SCAMP5: variants seen among roughly 807,000 people sequenced by gnomAD.
SCAMP5 encodes the protein secretory carrier membrane protein 5.
Under a neutral mutation model 28.3 loss-of-function variants are expected in SCAMP5, and 7 were observed. That is an observed-to-expected ratio of 0.25 (90% CI 0.14 to 0.46). The LOEUF is 0.46. SCAMP5 is among the 20% of genes least tolerant of loss of function. SCAMP5 has a pLI of 0.99. For synonymous variants in SCAMP5, 117 were observed against 116.4 expected, an observed-to-expected ratio of 1.00 and a Z score of -0.03; for missense variants, 192 against 312.5, an observed-to-expected ratio of 0.61 and a Z score of 2.91.
chr15:75,013,954 G>A (rs940450435), intron 3 of SCAMP5, among the ~76,000 whole-genome samples: 4 of 152,000 alleles, frequency 2.6e-5, no homozygotes, highest in African/African-American at 9.7e-5. Context: ...TGGGAAAGGT[G>A]TCTTCTTGGG....
In SCAMP5 at chr15:75,018,144, G is replaced by C. The variant is rs1160752236; in HGVS notation, c.395+173G>C. Among the ~76,000 whole-genome samples, 4 of 152,144 alleles carry C rather than the reference G, an allele frequency of 2.6e-5. No homozygotes were observed. The highest frequency in any genetic ancestry group is 4.8e-5 in the African/African-American group (2 of 41,422). On this transcript the variant is annotated intron_variant, in intron 5 of 6. Transcript: ENST00000425597. The surrounding 1 kb of genome is among the most constrained non-coding windows in gnomAD (Gnocchi z 5.6). Reference sequence around the variant, plus strand: ...ACAACCATAGCATCAGAGGGAAGGAGAACCTGGCAGTGGTTTCTTGGGGGC... The same window carrying C: ...ACAACCATAGCATCAGAGGGAAGGACAACCTGGCAGTGGTTTCTTGGGGGC...
chr15:75,014,792 A>G (rs532701954), intron 3 of SCAMP5, among the ~76,000 whole-genome samples: 9 of 152,306 alleles, frequency 5.9e-5, no homozygotes, highest in Non-Finnish European at 1.2e-4. Context: ...ATTGCAGCAG[A>G]GGTGTTTGAG....
chr15:75,017,815 G>T, intron 4 of SCAMP5, 55 bp from the exon 5 acceptor site: 1 of 1,146,192 alleles, frequency 8.7e-7, no homozygotes, highest in South Asian at 1.2e-5. Context: ...GGCCTTGAAG[G>T]CAGGGAAGCC....
intron 1 of SCAMP5, among the ~76,000 whole-genome samples, chr15:75,009,709 C>T (rs1011325697): frequency 6.6e-6 from 1 of 152,108 alleles, no homozygotes; most frequent in Non-Finnish European, 1.5e-5. Flanking sequence ...CTACTGGGCT[C>T]AAGTGATCCT....
chr15:75,015,458 G>C (rs894269294), intron 3 of SCAMP5, among the ~76,000 whole-genome samples: 4 of 152,012 alleles, frequency 2.6e-5, no homozygotes, highest in African/African-American at 7.3e-5. Context: ...ACAGAGGGGG[G>C]GGGGCCTGGG....
chr15:75,010,830 G>A lies in SCAMP5; in HGVS notation c.-48-962G>A, dbSNP rs78503801. Among the ~76,000 whole-genome samples the A allele has an allele frequency of 5.9e-3, 891 of 151,780 alleles. 5 individuals are homozygous for A. Among genetic ancestry groups the A allele is most frequent in the Non-Finnish European group, 9.5e-3 (646 of 67,942 alleles). The stretch of plus-strand genomic sequence containing the variant: ...TCCTAGTAAGGAACTGTCCCTGTAC[G>A]ATGCTTTCCCATCTGCCTAGAAGGC... On this transcript the variant is annotated intron_variant, in intron 1 of 6. Coordinates refer to ENST00000425597, the MANE Select transcript of SCAMP5 (RefSeq NM_138967.4).
At chr15:75,015,865 G>C (rs1376926082) in intron 3 of SCAMP5, among the ~76,000 whole-genome samples, 3 of 147,232 alleles carry the variant, frequency 2.0e-5, no homozygotes, top group Non-Finnish European at 4.4e-5. Context: ...AGTGGAGGTT[G>C]CAGTGAGCTG....
Position 75,018,245 on chromosome 15 carries a change from G to A in SCAMP5, c.396-173G>A, listed in dbSNP as rs1003802706. On this transcript the variant is annotated intron_variant, in intron 5 of 6. Coordinates refer to ENST00000425597, the MANE Select transcript of SCAMP5 (RefSeq NM_138967.4). This position sits in a 1 kb window ranked among gnomAD's most constrained non-coding sequence, Gnocchi z 5.6. The stretch of plus-strand genomic sequence containing the variant: ...CTGAAGAGCACCTCTGAGCCACAGG[G>A]ATGGGGTCTTCTTGAGCCACTGGCA... The A allele has an allele frequency of 4.7e-6, 3 of 637,462 alleles. No individual in the cohort carries two copies. Among genetic ancestry groups the A allele is most frequent in the African/African-American group, 1.8e-5 (1 of 55,064 alleles). 39.5% of individuals were successfully genotyped at this position (637,462 alleles called of 1,614,324 possible).
chr15:75,002,774 AT>A (rs1244124052), intron 1 of SCAMP5, among the ~76,000 whole-genome samples: 13 of 146,762 alleles, frequency 8.9e-5, no homozygotes, highest in Non-Finnish European at 3.0e-5. Context: ...TTGACTTTTT[AT>A]TTTTTTGAAT....
At chr15:74,997,560 G>C (rs986090523) in intron 1 of SCAMP5, among the ~76,000 whole-genome samples, 1 of 152,180 alleles carries the variant, frequency 6.6e-6, no homozygotes, top group African/African-American at 2.4e-5. Flanking sequence ...TTTTTGGAAA[G>C]GCTTCCCAGA....
At chr15:75,011,737 A>G in intron 1 of SCAMP5, 55 bp from the exon 2 acceptor site, 1 of 923,952 alleles carries the variant, frequency 1.1e-6, no homozygotes, top group Non-Finnish European at 1.7e-6. Flanking sequence ...GTAGAGAGGG[A>G]CTGGGTTGGG....
chr15:75,018,546 C>A lies in SCAMP5; in HGVS notation c.513+11C>A. On this transcript the variant is annotated intron_variant, in intron 6 of 6. Coordinates refer to ENST00000425597, the MANE Select transcript of SCAMP5 (RefSeq NM_138967.4). This position sits in a 1 kb window ranked among gnomAD's most constrained non-coding sequence, Gnocchi z 5.6. ...ATCGCCCTCAGCATGGTACGTGGTC[C>A]CCTCAAGGGTGAGAAGGTGGCTTTG... 4 of 1,560,050 alleles carry A rather than the reference C, an allele frequency of 2.6e-6. No homozygotes were observed. The highest frequency in any genetic ancestry group is 2.7e-6 in the Non-Finnish European group (3 of 1,130,732).
At chr15:75,008,462 G>C (rs2065781416) in intron 1 of SCAMP5, among the ~76,000 whole-genome samples, 1 of 149,606 alleles carries the variant, frequency 6.7e-6, no homozygotes, top group Non-Finnish European at 1.5e-5. Flanking sequence ...ATATATCCTG[G>C]AAAGCATTCC....
chr15:75,012,568 C>T, intron 2 of SCAMP5, 109 bp from the exon 3 acceptor site: 1 of 1,331,318 alleles, frequency 7.5e-7, no homozygotes. Flanking sequence ...AGCAGAGTGG[C>T]CGGTGGCCAC....
rs777497325 is a variant in SCAMP5, at chr15:75,018,812, T to C, written c.537T>C (p.Ser179=). ...LSMVHKFYRG[S]GGSFSKAQEE... ...AGGTTCATAAATTTTACCGGGGAAG[T>C]GGGGGGAGTTTCAGCAAAGCTCAGG... Residue 179 remains serine, a synonymous_variant, in exon 7 of 7, where the codon AGT becomes AGC. Coordinates refer to ENST00000425597, the MANE Select transcript of SCAMP5 (RefSeq NM_138967.4). This position sits in a 1 kb window ranked among gnomAD's most constrained non-coding sequence, Gnocchi z 5.6. 6.2e-7 allele frequency: 1 copy of C among 1,604,292 alleles called. No homozygotes were observed. The highest frequency in any genetic ancestry group is 1.8e-5 in the Admixed American group (1 of 56,874).
At position 75,019,015 on chromosome 15, in the gene SCAMP5, G is replaced by A. The variant is rs781177003; in HGVS notation, c.*32G>A. 2 of 1,443,380 alleles carry A rather than the reference G, an allele frequency of 1.4e-6. No individual in the cohort carries two copies. Among genetic ancestry groups the A allele is most frequent in the Admixed American group, 2.6e-5 (1 of 37,946 alleles). 89.4% of individuals were successfully genotyped at this position (1,443,380 alleles called of 1,614,324 possible). A position where few individuals can be genotyped will look rare whatever the true frequency, so the allele number is the denominator to read the frequency against. On this transcript the variant is annotated 3_prime_UTR_variant, in exon 7 of 7. Coordinates refer to ENST00000425597, the MANE Select transcript of SCAMP5 (RefSeq NM_138967.4). ...CACGCCTACCAGGTGGCAGAGCTGG[G>A]GCCATTGGGACAGGGGGCTCAAGCC...
In SCAMP5 at chr15:75,020,629, T is replaced by C; in HGVS notation, c.*1646T>C. 6.6e-6 allele frequency: 1 copy of C among 152,352 alleles called. No individual in the cohort carries two copies. Among genetic ancestry groups the C allele is most frequent in the Non-Finnish European group, 1.5e-5 (1 of 68,074 alleles). The allele number at this position is 152,352 out of a possible 1,614,324, so 9.4% of individuals were successfully genotyped here. A position where few individuals can be genotyped will look rare whatever the true frequency, so the allele number is the denominator to read the frequency against. On this transcript the variant is annotated 3_prime_UTR_variant, in exon 7 of 7. Coordinates refer to ENST00000425597, the MANE Select transcript of SCAMP5 (RefSeq NM_138967.4). ...CCAAGCAGTGTGAGAACATGGCTGG[T>C]AGAGGCTCTAGCTGTGTGCGGGGCC...
Position 75,018,446 on chromosome 15 carries a change from G to A in SCAMP5, c.424G>A (p.Gly142Arg), listed in dbSNP as rs574090428. 23 of 1,613,720 alleles carry A rather than the reference G, an allele frequency of 1.4e-5. No individual in the cohort carries two copies. Among genetic ancestry groups the A allele is most frequent in the African/African-American group, 6.7e-5 (5 of 75,030 alleles). Residue 142 changes from glycine (G) to arginine (R), a missense_variant, in exon 6 of 7, where the codon GGA becomes AGA. By Grantham distance (125) the Gly-to-Arg change is moderately radical. Transcript: ENST00000425597. The surrounding 1 kb of genome is among the most constrained non-coding windows in gnomAD (Gnocchi z 5.6). Reference protein sequence around the residue: ...CGWIATISFFGTNIGSAVVML... With the variant: ...CGWIATISFFRTNIGSAVVML... ...CTGGATTGCTACCATCTCCTTCTTC[G>A]GAACGAACATTGGCTCGGCGGTGGT...
Position 75,012,759 on chromosome 15 carries a change from T to A in SCAMP5, c.90T>A (p.Pro30=), listed in dbSNP as rs1176249237. ...CFYQDFEADI[P]PQHVSMTKRL... ...ACCAAGACTTCGAGGCAGATATTCC[T>A]CCCCAGCATGTCAGCATGACCAAGC... is the stretch of plus-strand genomic sequence containing the variant. Residue 30 remains proline (P), a synonymous_variant, in exon 3 of 7, where the codon CCT becomes CCA. Transcript: ENST00000425597. 1 of 1,613,862 alleles carries A rather than the reference T, an allele frequency of 6.2e-7. No homozygotes were observed.
Sources: allele counts gnomAD v4.1 joint callset (sites outside exome capture counted in the v4.1 genomes callset), GRCh38; gene constraint gnomAD v4.1.1; non-coding constraint Gnocchi (gnomAD v3.1); transcripts MANE v1.5; gene names NCBI Gene and HGNC (gene_info 2026-07-23, HGNC 2026-07-21).